PCDHA3: variants seen among roughly 807,000 people sequenced by gnomAD.
PCDHA3 encodes the protein protocadherin alpha 3.
In PCDHA3, 41 loss-of-function variants were observed where a neutral mutation model predicts 62.2. That is an observed-to-expected ratio of 0.66 (90% CI 0.51 to 0.86). PCDHA3 has a LOEUF of 0.86. Ranked by LOEUF, PCDHA3 falls within the 40% of genes least tolerant of loss-of-function variation. The pLI is 0.00. For missense variants in PCDHA3, 1,304 were observed against 1,241.2 expected (o/e 1.05, Z -0.76); for synonymous variants, 640 against 555.4 (o/e 1.15, Z -2.14).
At chr5:140,831,917 A>C (rs73791796) in intron 1 of PCDHA3, among the ~76,000 whole-genome samples, 1 of 152,160 alleles carries the variant, frequency 6.6e-6, no homozygotes, top group South Asian at 2.1e-4. Flanking sequence ...TGCTTAAAAA[A>C]TTTGCTACTA....
At chr5:140,850,261 T>C (rs2150476326) in intron 1 of PCDHA3, 3 of 1,592,442 alleles carry the variant, frequency 1.9e-6, no homozygotes, top group African/African-American at 1.4e-5. Flanking sequence ...GGCGCCGGCG[T>C]AGTGGTGGGG....
intron 1 of PCDHA3, among the ~76,000 whole-genome samples, chr5:140,874,119 G>C (rs1256177133): frequency 6.6e-6 from 1 of 152,064 alleles, no homozygotes; most frequent in Non-Finnish European, 1.5e-5. Flanking sequence ...ACGTTTTATA[G>C]TTTATTTAAG....
intron 1 of PCDHA3, among the ~76,000 whole-genome samples, chr5:140,916,511 C>G (rs2077595595): frequency 6.6e-6 from 1 of 152,132 alleles, no homozygotes; most frequent in African/African-American, 2.4e-5. Flanking sequence ...ATTAATCTTG[C>G]CAAGACTGGG....
intron 3 of PCDHA3, among the ~76,000 whole-genome samples, chr5:140,989,687 G>A (rs956131200): frequency 2.0e-4 from 31 of 152,176 alleles, no homozygotes; most frequent in African/African-American, 6.3e-4. Flanking sequence ...TCAAAGGAAC[G>A]TGAAAATTTT....
At chr5:140,876,616 A>C (rs2056459535) in intron 1 of PCDHA3, 1 of 1,614,196 alleles carries the variant, frequency 6.2e-7, no homozygotes, top group Non-Finnish European at 8.5e-7. Flanking sequence ...CTCTGGAGCC[A>C]ATGGACAGGT....
intron 1 of PCDHA3, among the ~76,000 whole-genome samples, chr5:140,962,725 T>C (rs536695569): frequency 3.2e-4 from 48 of 152,210 alleles, no homozygotes; most frequent in Non-Finnish European, 5.9e-4. Flanking sequence ...AGTATTTTCC[T>C]TCTGGGGATG....
rs781877015 is a variant in PCDHA3 at position 140,803,529 on chromosome 5, C to G, written c.2332C>G (p.Pro778Ala). ...DLMAFSPSLP[P>A]CPISRDREEK... The stretch of plus-strand genomic sequence containing the variant: ...CATGGCTTTTAGCCCTAGCCTTCCT[C>G]CTTGTCCAATTAGCCGGGATAGAGA... Residue 778 changes from proline to alanine, a missense_variant, in exon 1 of 4, where the codon CCT becomes GCT. By Grantham distance (27) the Pro-to-Ala change is conservative (BLOSUM62 -1). Transcript: ENST00000522353. 1 of 1,614,216 alleles carries G rather than the reference C, an allele frequency of 6.2e-7. No individual in the cohort carries two copies. The highest frequency in any genetic ancestry group is 8.5e-7 in the Non-Finnish European group (1 of 1,180,028).
intron 1 of PCDHA3, among the ~76,000 whole-genome samples, chr5:140,948,744 C>A (rs868917864): frequency 3.3e-5 from 5 of 151,312 alleles, no homozygotes; most frequent in South Asian, 2.1e-4. Flanking sequence ...GAGAATTTAT[C>A]AATTTTGCTG....
intron 1 of PCDHA3, chr5:140,812,008 T>TG (rs2126633981): frequency 7.9e-5 from 12 of 151,792 alleles, no homozygotes; most frequent in East Asian, 1.9e-4. Flanking sequence ...ACCATTTTTT[T>TG]GTTGGACTTT....
At chr5:140,822,339 G>A (rs1347495985) in intron 1 of PCDHA3, 6 of 1,613,926 alleles carry the variant, frequency 3.7e-6, no homozygotes, top group Non-Finnish European at 4.2e-6. Flanking sequence ...AAGAAGAAAC[G>A]AACTTTTTAG....
rs2150169954 is a variant in PCDHA3 at position 140,829,555 on chromosome 5, G to T, written c.2394+25964G>T. 1.3e-5 allele frequency: 21 copies of T among 1,612,718 alleles called. 1 individual carries two copies. The highest frequency in any genetic ancestry group is 1.7e-5 in the Non-Finnish European group (20 of 1,179,842). ...GAGACGCGGACGCGCAGGAGAACGC[G>T]CTGGTGTCCTACTCGCTGGTGGAGC... On this transcript the variant is annotated intron_variant, in intron 1 of 3. Transcript: ENST00000522353.
At chr5:140,983,767 A>C (rs550605597) in intron 3 of PCDHA3, among the ~76,000 whole-genome samples, 23 of 152,326 alleles carry the variant, frequency 1.5e-4, no homozygotes, top group African/African-American at 5.3e-4. Context: ...TCAAATACAT[A>C]TCTACATACA....
At chr5:140,873,007 C>A (rs1363151505) in intron 1 of PCDHA3, among the ~76,000 whole-genome samples, 1 of 152,206 alleles carries the variant, frequency 6.6e-6, no homozygotes, top group Admixed American at 6.5e-5. Context: ...AGTCATTCTT[C>A]ATATTTAGTT....
chr5:140,983,378 G>A (rs782292944), intron 3 of PCDHA3, among the ~76,000 whole-genome samples: 1 of 152,162 alleles, frequency 6.6e-6, no homozygotes, highest in Non-Finnish European at 1.5e-5. Flanking sequence ...GAGGCCCATC[G>A]CTGTGGCAGT....
intron 1 of PCDHA3, chr5:140,927,763 G>C (rs1554205034): frequency 6.2e-7 from 1 of 1,614,198 alleles, no homozygotes; most frequent in African/African-American, 1.3e-5. Context: ...CCCTAAAAGT[G>C]GGGAGGTGCA....
At chr5:140,883,471 C>G (rs781812025) in intron 1 of PCDHA3, 4 of 1,614,182 alleles carry the variant, frequency 2.5e-6, no homozygotes, top group Non-Finnish European at 3.4e-6. Flanking sequence ...TGTCCACCTA[C>G]AAGAACTACT....
intron 1 of PCDHA3, chr5:140,870,490 G>A (rs372818492): frequency 7.8e-5 from 126 of 1,614,116 alleles, no homozygotes; most frequent in Non-Finnish European, 1.1e-4. Context: ...CACCGTGTTC[G>A]TGAAGGAGAA....
At chr5:140,939,965 C>T (rs565275285) in intron 1 of PCDHA3, among the ~76,000 whole-genome samples, 1 of 152,100 alleles carries the variant, frequency 6.6e-6, no homozygotes, top group African/African-American at 2.4e-5. Context: ...TAAAGTGTTC[C>T]ACGATGAATA....
chr5:140,900,257 T>G (rs1184928608), intron 1 of PCDHA3, among the ~76,000 whole-genome samples: 3 of 152,108 alleles, frequency 2.0e-5, no homozygotes, highest in Admixed American at 6.6e-5. Context: ...TGAATAGTAC[T>G]CCATTGTGTA....
Sources: gnomAD v4.1 joint callset for allele counts (sites outside exome capture counted in the v4.1 genomes callset) on GRCh38, gnomAD v4.1.1 for gene constraint, MANE v1.5 for transcripts, NCBI Gene and HGNC (gene_info 2026-07-23, HGNC 2026-07-21) for gene names.